ERMP1: variants seen among roughly 807,000 people sequenced by gnomAD.
ERMP1 encodes Felix-ina.
A neutral mutation model predicts 92.0 loss-of-function variants in ERMP1; 86 were observed. That is an observed-to-expected ratio of 0.93 (90% CI 0.79 to 1.12). ERMP1 has a LOEUF of 1.12. Among genes scored for constraint, ERMP1 ranks in the 50% most tolerant of loss-of-function variants. The pLI is 0.00. For missense variants in ERMP1, 1,342 were observed against 1,116.3 expected (o/e 1.20, Z -2.88); for synonymous variants, 530 against 412.8 (o/e 1.28, Z -3.44).
chr9:5,818,397 AG>A (rs2131253633), intron 4 of ERMP1, among the ~76,000 whole-genome samples: 1 of 152,328 alleles, frequency 6.6e-6, no homozygotes, highest in South Asian at 2.1e-4. Context: ...CATACACTAA[AG>A]GTATTTCCAA....
chr9:5,835,359 C>T (rs551992674), upstream of ERMP1, among the ~76,000 whole-genome samples: 5 of 149,808 alleles, frequency 3.3e-5, no homozygotes, highest in East Asian at 4.1e-4. Flanking sequence ...AACGCGCGCG[C>T]GCATGTGTGT....
intron 8 of ERMP1, among the ~76,000 whole-genome samples, chr9:5,807,763 A>C (rs1036164533): frequency 2.0e-5 from 3 of 152,000 alleles, no homozygotes; most frequent in African/African-American, 7.2e-5. Flanking sequence ...ACAACAAAAA[A>C]AAAACGGAAA....
intron 7 of ERMP1, among the ~76,000 whole-genome samples, chr9:5,810,486 A>T (rs1829050832): frequency 6.6e-6 from 1 of 152,240 alleles, no homozygotes; most frequent in African/African-American, 2.4e-5. Flanking sequence ...GGAATAGTTC[A>T]GGTACATTCC....
chr9:5,817,784 C>G (rs1307094747), intron 4 of ERMP1, among the ~76,000 whole-genome samples: 1 of 151,954 alleles, frequency 6.6e-6, no homozygotes, highest in Admixed American at 6.6e-5. Context: ...AGACCCAGCT[C>G]AGCAGACCCA....
intron 6 of ERMP1, among the ~76,000 whole-genome samples, chr9:5,852,304 T>C (rs970404256): frequency 2.0e-5 from 3 of 151,772 alleles, no homozygotes; most frequent in South Asian, 4.2e-4. Context: ...CATTCTGTCA[T>C]GTAGCTGGAG....
At position 5,830,827 on chromosome 9, in the gene ERMP1, A is replaced by G. The variant is rs370710127; in HGVS notation, c.540T>C (p.Tyr180=). ...IDFLGGFTSY[Y]DNITNVVVKL... ...TTACCACAACATTGGTGATGTTGTC[A>G]TAATAGCTTGTAAAACCTCCCAAGA... is the stretch of plus-strand genomic sequence containing the variant. Residue 180 remains tyrosine (Y), a synonymous_variant, in exon 2 of 15, where the codon TAT becomes TAC. Coordinates refer to ENST00000339450, the MANE Select transcript of ERMP1 (RefSeq NM_024896.3). The G allele has an allele frequency of 5.6e-6, 9 of 1,613,558 alleles. No homozygotes were observed. The Admixed American group carries it at 1.3e-4, about 24-fold the overall frequency.
chr9:5,833,194 T>A, upstream of ERMP1: 2 of 624,318 alleles, frequency 3.2e-6, no homozygotes, highest in Non-Finnish European at 5.0e-6. Flanking sequence ...CCAGCTTCTT[T>A]GGCAGTTCTC....
intron 13 of ERMP1, among the ~76,000 whole-genome samples, chr9:5,796,927 C>A (rs1268575609): frequency 6.6e-6 from 1 of 152,118 alleles, no homozygotes; most frequent in Non-Finnish European, 1.5e-5. Context: ...TCAGTTTTAA[C>A]AAATGCACCA....
intron 6 of ERMP1, among the ~76,000 whole-genome samples, chr9:5,853,955 T>C (rs146042850): frequency 4.6e-5 from 7 of 151,956 alleles, no homozygotes; most frequent in African/African-American, 1.7e-4. Context: ...GGAAAAGGCA[T>C]TCATTTTATG....
chr9:5,834,029 A>T (rs938070098), upstream of ERMP1, among the ~76,000 whole-genome samples: 1 of 152,216 alleles, frequency 6.6e-6, no homozygotes, highest in Non-Finnish European at 1.5e-5. Flanking sequence ...GGGAGAGCAC[A>T]CTGCCGGATT....
At chr9:5,796,263 A>G (rs1247392544) in intron 13 of ERMP1, among the ~76,000 whole-genome samples, 1 of 152,238 alleles carries the variant, frequency 6.6e-6, no homozygotes, top group Non-Finnish European at 1.5e-5. Flanking sequence ...GGAGAAGAAG[A>G]GTTGGAAGAC....
intron 13 of ERMP1, among the ~76,000 whole-genome samples, chr9:5,797,597 G>A (rs376857641): frequency 3.3e-5 from 5 of 150,600 alleles, no homozygotes; most frequent in East Asian, 2.0e-4. Flanking sequence ...GCAGTGAGCC[G>A]AGATCGTACC....
At chr9:5,848,845 G>A (rs1830270972) in intron 6 of ERMP1, among the ~76,000 whole-genome samples, 1 of 152,182 alleles carries the variant, frequency 6.6e-6, no homozygotes, top group African/African-American at 2.4e-5. Context: ...GTGAGTGGGT[G>A]AGGACTGGTT....
chr9:5,852,079 A>G (rs1179364428), intron 6 of ERMP1, among the ~76,000 whole-genome samples: 1 of 152,214 alleles, frequency 6.6e-6, no homozygotes, highest in Admixed American at 6.5e-5. Flanking sequence ...ACATACATAC[A>G]TGCTCAAGTA....
chr9:5,862,937 T>C (rs1830547027), intron 5 of ERMP1, among the ~76,000 whole-genome samples: 1 of 152,244 alleles, frequency 6.6e-6, no homozygotes, highest in African/African-American at 2.4e-5. Context: ...GCAGTGTTAA[T>C]GGAGCAGACA....
chr9:5,792,481 T>C (rs1402032837), intron 13 of ERMP1, among the ~76,000 whole-genome samples: 1 of 152,168 alleles, frequency 6.6e-6, no homozygotes, highest in Non-Finnish European at 1.5e-5. Flanking sequence ...AACCAATATC[T>C]GACACTAAAA....
intron 9 of ERMP1, 90 bp from the exon 10 acceptor site, chr9:5,805,307 C>A (rs775119317): frequency 2.0e-6 from 2 of 985,170 alleles, no homozygotes; most frequent in Non-Finnish European, 3.0e-6. Flanking sequence ...GGTACCCTAA[C>A]AGAAATTAGG....
chr9:5,823,662 T>C (rs760292939), intron 4 of ERMP1, among the ~76,000 whole-genome samples: 12 of 152,084 alleles, frequency 7.9e-5, no homozygotes, highest in Admixed American at 7.2e-4. Context: ...AATGACTTAA[T>C]ATATATGAAA....
chr9:5,802,552 T>C (rs767036268), intron 10 of ERMP1, among the ~76,000 whole-genome samples: 6 of 152,114 alleles, frequency 3.9e-5, no homozygotes, highest in South Asian at 2.1e-4. Context: ...GCTCAGCTAA[T>C]TTCTTGTGTT....
Sources: allele counts gnomAD v4.1 joint callset (sites outside exome capture counted in the v4.1 genomes callset), GRCh38; gene constraint gnomAD v4.1.1; transcripts MANE v1.5; gene names NCBI Gene and HGNC (gene_info 2026-07-23, HGNC 2026-07-21).